TLN2: variants seen among roughly 807,000 people sequenced by gnomAD.
The protein encoded by TLN2 is talin 2, also known as talin-2.
TLN2 carries 118 observed loss-of-function variants against 294.7 expected under a neutral mutation model. The observed-to-expected ratio is 0.40, with a 90% CI of 0.34 to 0.47. TLN2 has a LOEUF of 0.47. Ranked by LOEUF, TLN2 falls within the 20% of genes least tolerant of loss-of-function variation. The pLI is 0.84. For missense variants in TLN2, 3,083 were observed against 3,282.2 expected, an observed-to-expected ratio of 0.94 and a Z score of 1.48; for synonymous variants, 1,431 against 1,304.5, an observed-to-expected ratio of 1.10 and a Z score of -2.09.
In TLN2 at chr15:62,768,596, G is replaced by A. The variant is rs75458270; in HGVS notation, c.5196+2174G>A. On this transcript the variant is annotated intron_variant, in intron 41 of 58. Transcript: ENST00000636159. ...TTGAGGGGCCACCATTCAGTCCACC[G>A]TGTCCCTAGACCTAGGAATGAACGT... is the stretch of plus-strand genomic sequence containing the variant. 3.9e-3 allele frequency among the ~76,000 whole-genome samples: 590 copies of A among 152,292 alleles called. 1 individual carries two copies. Among genetic ancestry groups the A allele is most frequent in the African/African-American group, 0.014 (567 of 41,554 alleles).
At chr15:62,789,351 T>G (rs1272091045) in intron 45 of TLN2, among the ~76,000 whole-genome samples, 2 of 152,190 alleles carry the variant, frequency 1.3e-5, no homozygotes, top group African/African-American at 4.8e-5. Flanking sequence ...CCCCTTGTTT[T>G]CTGGTGCTGG....
At chr15:62,459,026 G>C (rs28508321) in intron 1 of TLN2, among the ~76,000 whole-genome samples, 1,896 of 151,678 alleles carry the variant, frequency 0.013, 47 homozygotes, top group African/African-American at 0.044. Flanking sequence ...TTTGGAGACA[G>C]AGTCTCACTC....
intron 1 of TLN2, among the ~76,000 whole-genome samples, chr15:62,551,654 G>A (rs950305482): frequency 9.9e-5 from 15 of 152,140 alleles, no homozygotes; most frequent in African/African-American, 3.6e-4. Flanking sequence ...AGCTGAGACC[G>A]TGCCATTGCA....
At chr15:62,806,900 T>G (rs2066326065) in intron 51 of TLN2, among the ~76,000 whole-genome samples, 1 of 151,948 alleles carries the variant, frequency 6.6e-6, no homozygotes, top group African/African-American at 2.4e-5. Flanking sequence ...GAGTTGCTGC[T>G]GCAAGATCCA....
intron 7 of TLN2, among the ~76,000 whole-genome samples, chr15:62,654,727 C>T (rs2052997004): frequency 7.5e-6 from 1 of 134,042 alleles, no homozygotes; most frequent in Non-Finnish European, 1.5e-5. Context: ...TGCACTCCAG[C>T]CTGGGTGACA....
chr15:62,416,493 G>A (rs1322616226), intron 1 of TLN2, among the ~76,000 whole-genome samples: 1 of 152,146 alleles, frequency 6.6e-6, no homozygotes, highest in African/African-American at 2.4e-5. Context: ...GTGTAGCTAA[G>A]TAGATACAAC....
intron 1 of TLN2, among the ~76,000 whole-genome samples, chr15:62,524,588 C>T (rs573358517): frequency 6.6e-6 from 1 of 152,256 alleles, no homozygotes; most frequent in East Asian, 1.9e-4. Flanking sequence ...GAAGTAGCCT[C>T]AGAAGGAGTA....
intron 3 of TLN2, among the ~76,000 whole-genome samples, chr15:62,622,966 C>T (rs2048964251): frequency 6.6e-6 from 1 of 152,204 alleles, no homozygotes. Context: ...GTCTGTGTGC[C>T]CTGCACAGCT....
intron 1 of TLN2, among the ~76,000 whole-genome samples, chr15:62,525,212 A>C (rs1196252280): frequency 6.6e-6 from 1 of 152,198 alleles, no homozygotes; most frequent in African/African-American, 2.4e-5. Flanking sequence ...GTGTTTAATC[A>C]GTTTATTAAA....
chr15:62,833,520 T>C lies in TLN2; in HGVS notation c.7019T>C (p.Leu2340Pro). The change falls in exon 55 of 59, where the codon CTG becomes CCG. Residue 2340 changes from leucine to proline, a missense_variant. Transcript: ENST00000636159. ...TGGTTATAGCAAGCGGATGAGACCC[T>C]GGACTTTGAGGAACAGATCTTGGAA... ...RAKPKQADET[L>P]DFEEQILEAA... The C allele has an allele frequency of 6.2e-7, 1 of 1,614,096 alleles. No homozygotes were observed. The highest frequency in any genetic ancestry group is 8.5e-7 in the Non-Finnish European group (1 of 1,179,982).
chr15:62,519,132 G>A (rs965732564), intron 1 of TLN2, among the ~76,000 whole-genome samples: 7 of 152,222 alleles, frequency 4.6e-5, no homozygotes, highest in African/African-American at 7.2e-5. Flanking sequence ...AGAGCTGGAT[G>A]AACTTGATAT....
rs1595888712 is a variant in TLN2, at chr15:62,755,649, A to G, written c.4594A>G (p.Lys1532Glu). 1 of 1,614,244 alleles carries G rather than the reference A, an allele frequency of 6.2e-7. No individual in the cohort carries two copies. Among genetic ancestry groups the G allele is most frequent in the East Asian group, 2.2e-5 (1 of 44,890 alleles). The change falls in exon 37 of 59, where the codon AAG becomes GAG. Residue 1532 changes from lysine (K) to glutamate (E), a missense_variant. Transcript: ENST00000636159. ...VAKRHFVQSA[K>E]EVANSTANLV... ...CAAGAGGCACTTCGTCCAGTCAGCC[A>G]AGGAAGTCGCCAACAGCACTGCCAA...
At chr15:62,550,341 C>G (rs540405717) in intron 1 of TLN2, among the ~76,000 whole-genome samples, 1 of 152,202 alleles carries the variant, frequency 6.6e-6, no homozygotes, top group East Asian at 1.9e-4. Context: ...TGGCTCTAAA[C>G]TCATGCAGCC....
chr15:62,675,941 C>T (rs1021443329), intron 11 of TLN2, among the ~76,000 whole-genome samples: 8 of 152,166 alleles, frequency 5.3e-5, no homozygotes, highest in African/African-American at 1.7e-4. Context: ...GAAAGTGATA[C>T]GCTGTTTAGT....
At chr15:62,404,877 C>G (rs11631383) in intron 1 of TLN2, among the ~76,000 whole-genome samples, 1 of 152,150 alleles carries the variant, frequency 6.6e-6, no homozygotes. Flanking sequence ...CAAGGGCAGC[C>G]TGAGGCACAG....
intron 1 of TLN2, among the ~76,000 whole-genome samples, chr15:62,543,959 G>C (rs1051011401): frequency 6.6e-6 from 1 of 152,122 alleles, no homozygotes; most frequent in Non-Finnish European, 1.5e-5. Flanking sequence ...GCTATTCAGG[G>C]GCTGGGGCTG....
At chr15:62,741,870 A>C (rs566654050) in intron 32 of TLN2, among the ~76,000 whole-genome samples, 1 of 151,612 alleles carries the variant, frequency 6.6e-6, no homozygotes. Flanking sequence ...ACTCAGTCGC[A>C]TTGGTCAGGT....
chr15:62,655,483 A>G (rs1174707405), intron 7 of TLN2, among the ~76,000 whole-genome samples: 1 of 152,158 alleles, frequency 6.6e-6, no homozygotes, highest in Non-Finnish European at 1.5e-5. Flanking sequence ...ATCAGAGGTA[A>G]CTTACTATGC....
chr15:62,821,444 TTCC>T (rs2067559120), intron 54 of TLN2, among the ~76,000 whole-genome samples: 1 of 152,238 alleles, frequency 6.6e-6, no homozygotes, highest in Non-Finnish European at 1.5e-5. Flanking sequence ...AAGGGCTGGA[TTCC>T]ACCAATTTAG....
Sources: allele counts gnomAD v4.1 joint callset (sites outside exome capture counted in the v4.1 genomes callset), GRCh38; gene constraint gnomAD v4.1.1; transcripts MANE v1.5; gene names NCBI Gene and HGNC (gene_info 2026-07-23, HGNC 2026-07-21).